XRCC4: variants seen among roughly 807,000 people sequenced by gnomAD.
XRCC4 encodes X-ray repair cross complementing 4.
Under a neutral mutation model 39.1 loss-of-function variants are expected in XRCC4, and 28 were observed. That is an observed-to-expected ratio of 0.72 (90% CI 0.53 to 0.98). XRCC4 has a LOEUF of 0.98. Among genes scored for constraint, XRCC4 ranks in the 50% least tolerant of loss-of-function variants. The pLI is 0.00. For synonymous variants in XRCC4, 123 were observed against 126.4 expected (o/e 0.97, Z 0.18); for missense variants, 350 against 376.4 (o/e 0.93, Z 0.58).
chr5:83,367,440 C>CTGCTCA, the XRCC4 span, among the ~76,000 whole-genome samples: 3 of 152,190 alleles, frequency 2.0e-5, no homozygotes. Flanking sequence ...CAAACCCATC[C>CTGCTCA]TGCTCATCGT....
At chr5:83,309,296 A>AAAAAAAT (rs1561467702) in intron 7 of XRCC4, among the ~76,000 whole-genome samples, 9 of 72,236 alleles carry the variant, frequency 1.2e-4, no homozygotes, top group African/African-American at 5.1e-4. Context: ...AAAAAAAAAA[A>AAAAAAAT]ATATATATAT....
intron 3 of XRCC4, among the ~76,000 whole-genome samples, chr5:83,114,311 T>A (rs1746604458): frequency 6.6e-6 from 1 of 152,048 alleles, no homozygotes; most frequent in East Asian, 1.9e-4. Flanking sequence ...GCAGCAGGCT[T>A]GAATTTTTCC....
intron 7 of XRCC4, among the ~76,000 whole-genome samples, chr5:83,312,975 C>T (rs61250614): frequency 6.6e-6 from 1 of 152,046 alleles, no homozygotes; most frequent in Non-Finnish European, 1.5e-5. Flanking sequence ...TTTGCGGATG[C>T]TGAGTTGGCA....
In XRCC4 at chr5:83,106,898, C is replaced by G. The variant is rs1436689075; in HGVS notation, c.139+1840C>G. 3.3e-5 allele frequency among the ~76,000 whole-genome samples: 5 copies of G among 151,846 alleles called. No homozygotes were observed. In the East Asian group the frequency reaches 9.6e-4, roughly 29 times the overall value. ...CTGCGAAAAAAGAAAATAAATTGTT[C>G]ATTTTAGAGTTAGCATGTTTTTGAA... On this transcript the variant is annotated intron_variant, in intron 2 of 7. Coordinates refer to ENST00000396027, the MANE Select transcript of XRCC4 (RefSeq NM_003401.5).
At chr5:83,156,244 A>T (rs111553830) in intron 3 of XRCC4, among the ~76,000 whole-genome samples, 99 of 151,350 alleles carry the variant, frequency 6.5e-4, no homozygotes, top group African/African-American at 2.4e-3. Context: ...TAATTTTGGG[A>T]ACCATAAGTG....
At chr5:83,250,546 A>T (rs1753267113) in intron 6 of XRCC4, among the ~76,000 whole-genome samples, 1 of 152,244 alleles carries the variant, frequency 6.6e-6, no homozygotes, top group East Asian at 1.9e-4. Context: ...TATAAATATT[A>T]GATAAATTAT....
intron 7 of XRCC4, among the ~76,000 whole-genome samples, chr5:83,301,944 T>C (rs1462874269): frequency 2.0e-5 from 3 of 152,194 alleles, no homozygotes; most frequent in African/African-American, 7.2e-5. Context: ...ATATCTATTT[T>C]GGTACCAGTA....
the XRCC4 span, among the ~76,000 whole-genome samples, chr5:83,360,445 G>A: frequency 6.6e-6 from 1 of 152,114 alleles, no homozygotes; most frequent in Admixed American, 6.6e-5. Context: ...GAGGAACTAA[G>A]TTTACAGTGG....
intron 6 of XRCC4, among the ~76,000 whole-genome samples, chr5:83,253,881 A>G (rs970808898): frequency 1.3e-5 from 2 of 152,026 alleles, no homozygotes; most frequent in Non-Finnish European, 2.9e-5. Flanking sequence ...TGTCTGAACT[A>G]CTGTTGCCAA....
At chr5:83,215,279 C>T (rs964338834) in intron 6 of XRCC4, among the ~76,000 whole-genome samples, 2 of 151,954 alleles carry the variant, frequency 1.3e-5, no homozygotes, top group Admixed American at 6.5e-5. Context: ...GCAGAGGTTA[C>T]GGTGAGCCAA....
chr5:83,242,469 A>G (rs925388149), intron 6 of XRCC4, among the ~76,000 whole-genome samples: 18 of 151,910 alleles, frequency 1.2e-4, no homozygotes, highest in African/African-American at 4.3e-4. Flanking sequence ...TTTTTGCCAC[A>G]GGGTCTCACT....
At chr5:83,285,786 G>A (rs968360492) in intron 7 of XRCC4, among the ~76,000 whole-genome samples, 18 of 152,060 alleles carry the variant, frequency 1.2e-4, no homozygotes, top group African/African-American at 3.9e-4. Flanking sequence ...ATTCTGAGTC[G>A]TATATGTTCT....
At chr5:83,283,083 C>T (rs371936661) in intron 7 of XRCC4, among the ~76,000 whole-genome samples, 1 of 139,358 alleles carries the variant, frequency 7.2e-6, no homozygotes, top group South Asian at 2.3e-4. Context: ...TGCAAAAAAA[C>T]AAAAAAGGAA....
At chr5:83,308,193 A>G (rs1755554800) in intron 7 of XRCC4, among the ~76,000 whole-genome samples, 1 of 152,216 alleles carries the variant, frequency 6.6e-6, no homozygotes. Context: ...TTCCATCAAT[A>G]AAACAAAGCT....
chr5:83,220,781 A>T (rs1043566494), intron 6 of XRCC4, among the ~76,000 whole-genome samples: 2 of 152,178 alleles, frequency 1.3e-5, no homozygotes, highest in Non-Finnish European at 2.9e-5. Context: ...TGACAAAATA[A>T]AAAAGATCTT....
chr5:83,290,179 T>TA (rs201261836), intron 7 of XRCC4, among the ~76,000 whole-genome samples: 1 of 151,754 alleles, frequency 6.6e-6, no homozygotes, highest in Non-Finnish European at 1.5e-5. Flanking sequence ...CTAATTGGTA[T>TA]AAAAAAAGTA....
At chr5:83,351,172 G>T (rs962934290) in intron 7 of XRCC4, among the ~76,000 whole-genome samples, 1 of 152,140 alleles carries the variant, frequency 6.6e-6, no homozygotes, top group African/African-American at 2.4e-5. Context: ...TGTAAGACGG[G>T]CCTGCTTCCC....
intron 1 of XRCC4, among the ~76,000 whole-genome samples, chr5:83,095,216 G>A (rs1192300458): frequency 6.6e-6 from 1 of 152,136 alleles, no homozygotes. Context: ...TAGCTACATA[G>A]GTTCTCTTAT....
chr5:83,167,737 A>G (rs891875667), intron 3 of XRCC4, among the ~76,000 whole-genome samples: 2 of 152,198 alleles, frequency 1.3e-5, no homozygotes, highest in Non-Finnish European at 2.9e-5. Context: ...ACAACTCCTG[A>G]TACTCTTGCA....
Sources: allele counts gnomAD v4.1 joint callset (sites outside exome capture counted in the v4.1 genomes callset), GRCh38; gene constraint gnomAD v4.1.1; transcripts MANE v1.5; gene names NCBI Gene and HGNC (gene_info 2026-07-23, HGNC 2026-07-21).